The following CLDN14 variants were observed in gnomAD, a reference collection of about 807,000 sequenced individuals.
CLDN14 encodes the protein claudin 14.
A neutral mutation model predicts 2.1 loss-of-function variants in CLDN14; 2 were observed. That is an observed-to-expected ratio of 0.96 (90% CI 0.39 to 3.01). CLDN14 has a LOEUF of 3.01. Ranked by LOEUF, CLDN14 falls within the 30% of genes most tolerant of loss-of-function variation. CLDN14 has a pLI of 0.09. For missense variants in CLDN14, 298 were observed against 328.0 expected (o/e 0.91, Z 0.71); for synonymous variants, 136 against 154.4 (o/e 0.88, Z 0.88).
chr21:36,513,095 C>T (rs766159824), intron 1 of CLDN14, among the ~76,000 whole-genome samples: 6 of 152,136 alleles, frequency 3.9e-5, no homozygotes, highest in African/African-American at 7.2e-5. Context: ...CTGTGTCTCA[C>T]GAGATATCTG....
chr21:36,460,746 A>G lies in CLDN14; in HGVS notation c.*230T>C, dbSNP rs547541223. On this transcript the variant is annotated 3_prime_UTR_variant, in exon 2 of 2. Coordinates refer to ENST00000399135, the MANE Select transcript of CLDN14 (RefSeq NM_001146079.2). The surrounding 1 kb of genome is among the most constrained non-coding windows in gnomAD (Gnocchi z 4.0). The stretch of plus-strand genomic sequence containing the variant: ...ACCCACATAAATATATATAATAAAT[A>G]CAAAAACAGACAGGATTTTTTTTTT... The G allele has an allele frequency of 9.2e-6, 5 of 542,846 alleles. No individual in the cohort carries two copies. Among genetic ancestry groups the G allele is most frequent in the South Asian group, 7.4e-5 (3 of 40,790 alleles). 33.6% of individuals were successfully genotyped at this position (542,846 alleles called of 1,614,324 possible). A position where few individuals can be genotyped will look rare whatever the true frequency, so the allele number is the denominator to read the frequency against.
chr21:36,511,575 T>G (rs1202795432), intron 1 of CLDN14, among the ~76,000 whole-genome samples: 1 of 152,202 alleles, frequency 6.6e-6, no homozygotes, highest in Admixed American at 6.5e-5. Context: ...TCCATCATTC[T>G]AGGTTTCCTG....
rs1422321222 is a variant in CLDN14 at position 36,559,064 on chromosome 21, C to T, written c.-220+17347G>A. On this transcript the variant is annotated intron_variant, in intron 1 of 2. Coordinates refer to the CLDN14 transcript ENST00000342108. ...TGGGCATCCTTACCTTGTTCCTTAT[C>T]TTAGAAGAAAAGCTTTCAGTTTTTT... Among the ~76,000 whole-genome samples, 5 of 152,236 alleles carry T rather than the reference C, an allele frequency of 3.3e-5. No homozygotes were observed. In the East Asian group the frequency reaches 7.7e-4, roughly 23 times the overall value.
chr21:36,462,965 AGAAG>A (rs1158869897), intron 1 of CLDN14, among the ~76,000 whole-genome samples: 7 of 151,606 alleles, frequency 4.6e-5, no homozygotes, highest in African/African-American at 1.5e-4. Flanking sequence ...TAGGAAATAT[AGAAG>A]GAAGGAAGGA....
intron 1 of CLDN14, among the ~76,000 whole-genome samples, chr21:36,546,098 C>A (rs1474902605): frequency 6.6e-6 from 1 of 152,224 alleles, no homozygotes; most frequent in Admixed American, 6.5e-5. Flanking sequence ...CCTCTGGCTA[C>A]TTTGAAGTTT....
At chr21:36,554,401 A>G (rs1434797838) in intron 1 of CLDN14, among the ~76,000 whole-genome samples, 6 of 152,146 alleles carry the variant, frequency 3.9e-5, no homozygotes, top group Non-Finnish European at 8.8e-5. Context: ...CAACCACAAC[A>G]CAGGGTTACA....
intron 1 of CLDN14, among the ~76,000 whole-genome samples, chr21:36,550,971 G>A (rs957015288): frequency 6.6e-6 from 1 of 152,210 alleles, no homozygotes; most frequent in South Asian, 2.1e-4. Context: ...CAAAATGACT[G>A]TTGTCCTTAG....
intron 1 of CLDN14, among the ~76,000 whole-genome samples, chr21:36,520,917 T>G (rs890608932): frequency 1.3e-5 from 2 of 152,186 alleles, no homozygotes; most frequent in African/African-American, 4.8e-5. Flanking sequence ...CTGGGCTCAC[T>G]GATCTGCAGA....
chr21:36,461,553 T>C lies in CLDN14; in HGVS notation c.143A>G (p.Lys48Arg), dbSNP rs947811327. Residue 48 changes from lysine (K) to arginine (R), a missense_variant, in exon 2 of 2, where the codon AAA (lysine) becomes AGA (arginine). Transcript: ENST00000399135. Reference sequence around the variant, plus strand: ...CCACACACACTCCATCCAGAGCCCTTTCAGGTAGGACACGGCCGTGAGGAT... The same window carrying C: ...CCACACACACTCCATCCAGAGCCCTCTCAGGTAGGACACGGCCGTGAGGAT... ...TNILTAVSYL[K>R]GLWMECVWHS... The C allele has an allele frequency of 3.7e-6, 6 of 1,613,184 alleles. No homozygotes were observed. The African/African-American group carries it at 6.7e-5, about 18-fold the overall frequency.
chr21:36,467,474 G>A (rs1030762880), intron 1 of CLDN14, among the ~76,000 whole-genome samples: 1 of 152,066 alleles, frequency 6.6e-6, no homozygotes, highest in African/African-American at 2.4e-5. Flanking sequence ...GTTCTTCAGG[G>A]TGTGTGCTGG....
intron 1 of CLDN14, among the ~76,000 whole-genome samples, chr21:36,525,390 GA>G (rs34572529): frequency 2.0e-5 from 3 of 147,004 alleles, no homozygotes; most frequent in Admixed American, 6.7e-5. Context: ...AAAGCTAAAT[GA>G]AAAAAAAAAG....
intron 1 of CLDN14, among the ~76,000 whole-genome samples, chr21:36,517,534 A>G (rs2146490273): frequency 6.6e-6 from 1 of 152,354 alleles, no homozygotes; most frequent in African/African-American, 2.4e-5. Context: ...GGGCAAACCC[A>G]GCTCCCAAGA....
In CLDN14 at chr21:36,495,973, G is replaced by A. The variant is rs545998977; in HGVS notation, c.-82+14390C>T. ...CCCACTGGAAGTTGGAAGGGGCAAG[G>A]AAGCCTTCTTTTCTAGAGCTTCAGA... On this transcript the variant is annotated intron_variant, in intron 2 of 2. Transcript: ENST00000342108. Among the ~76,000 whole-genome samples, 9 of 152,322 alleles carry A rather than the reference G, an allele frequency of 5.9e-5. No individual in the cohort carries two copies. In the South Asian group the frequency reaches 1.9e-3, roughly 32 times the overall value.
At position 36,569,415 on chromosome 21, in the gene CLDN14, C is replaced by CAAAA. The variant is rs749837574; in HGVS notation, c.-220+6992_-220+6995dup. ...TGGGCAACAGAGTGAGACTCCGTCT[C>CAAAA]AAAAAAAAAAAAAATTAAGTAAATA... On this transcript the variant is annotated intron_variant, in intron 1 of 2. Coordinates refer to the CLDN14 transcript ENST00000342108. Among the ~76,000 whole-genome samples, 7 of 119,506 alleles carry CAAAA rather than the reference C, an allele frequency of 5.9e-5. No individual in the cohort carries two copies. In the East Asian group the frequency reaches 1.0e-3, roughly 18 times the overall value. The allele number at this position is 119,506 out of a possible 152,430, so 78.4% of individuals were successfully genotyped here.
rs191408960 is a variant in CLDN14 at position 36,514,438 on chromosome 21, T to C, written c.-219-3938A>G. On this transcript the variant is annotated intron_variant, in intron 1 of 2. Coordinates refer to the CLDN14 transcript ENST00000342108. ...CAGGGGGAAAGCCCACTGCAGGTATTTCCACAGTGCGCCAGAAGCAATGAT... is the reference window on the plus strand; with the variant it reads ...CAGGGGGAAAGCCCACTGCAGGTATCTCCACAGTGCGCCAGAAGCAATGAT... Among the ~76,000 whole-genome samples, 9 of 152,264 alleles carry C rather than the reference T, an allele frequency of 5.9e-5. No homozygotes were observed. The East Asian group carries it at 1.7e-3, about 29-fold the overall frequency.
intron 1 of CLDN14, among the ~76,000 whole-genome samples, chr21:36,462,334 T>C (rs1471073622): frequency 4.0e-5 from 6 of 151,136 alleles, no homozygotes; most frequent in African/African-American, 1.5e-4. Context: ...TGTCAGCTGA[T>C]GCCGGGGCAG....
chr21:36,463,204 G>A (rs983155988), intron 1 of CLDN14, among the ~76,000 whole-genome samples: 9 of 152,196 alleles, frequency 5.9e-5, no homozygotes, highest in Non-Finnish European at 8.8e-5. Context: ...TCCAGTGGGC[G>A]ACCTGGGGCT....
intron 1 of CLDN14, among the ~76,000 whole-genome samples, chr21:36,564,183 C>T (rs1042146350): frequency 3.3e-5 from 5 of 152,198 alleles, no homozygotes; most frequent in African/African-American, 1.2e-4. Context: ...CCTTTTCTTG[C>T]AGTGTTATAT....
intron 1 of CLDN14, among the ~76,000 whole-genome samples, 190 bp downstream of exon 1, chr21:36,479,305 C>A (rs1371846522): frequency 6.6e-6 from 1 of 151,964 alleles, no homozygotes; most frequent in Non-Finnish European, 1.5e-5. Context: ...TGCGTGGGGT[C>A]CTCTGGAGGC....
Sources: allele counts gnomAD v4.1 joint callset (sites outside exome capture counted in the v4.1 genomes callset), GRCh38; gene constraint gnomAD v4.1.1; non-coding constraint Gnocchi (gnomAD v3.1); transcripts MANE v1.5; gene names NCBI Gene and HGNC (gene_info 2026-07-23, HGNC 2026-07-21).